Variants in TANC2 observed in about 807,000 individuals in gnomAD.
TANC2 encodes the protein tetratricopeptide repeat, ankyrin repeat and coiled-coil containing 2.
Under a neutral mutation model 210.5 loss-of-function variants are expected in TANC2, and 26 were observed. The observed-to-expected ratio is 0.12, with a 90% CI of 0.09 to 0.17. TANC2 has a LOEUF of 0.17. TANC2 is among the 10% of genes least tolerant of loss of function. The probability of loss-of-function intolerance (pLI) is 1.00; values close to 1 mark genes in which losing one functional copy is unlikely to be tolerated. For synonymous variants in TANC2, 931 were observed against 967.1 expected, an observed-to-expected ratio of 0.96 and a Z score of 0.69; for missense variants, 2,129 against 2,608.9, an observed-to-expected ratio of 0.82 and a Z score of 4.01.
At chr17:63,061,418 T>C (rs149380574) in intron 2 of TANC2, among the ~76,000 whole-genome samples, 14 of 152,220 alleles carry the variant, frequency 9.2e-5, no homozygotes, top group African/African-American at 3.4e-4. Flanking sequence ...ATAGTTTTGC[T>C]TAAATACTCA....
intron 7 of TANC2, among the ~76,000 whole-genome samples, chr17:63,201,458 T>A (rs2041531793): frequency 6.6e-6 from 1 of 152,176 alleles, no homozygotes; most frequent in Non-Finnish European, 1.5e-5. Flanking sequence ...GCCCTGTTTT[T>A]TACCTTCTGC....
intron 4 of TANC2, among the ~76,000 whole-genome samples, chr17:63,118,315 A>C (rs1247140422): frequency 1.3e-5 from 2 of 152,104 alleles, no homozygotes; most frequent in African/African-American, 4.8e-5. Context: ...TTCTCAGTTG[A>C]GTTTAGACTA....
intron 5 of TANC2, among the ~76,000 whole-genome samples, chr17:63,155,869 T>C (rs1445801665): frequency 1.3e-5 from 2 of 152,188 alleles, no homozygotes; most frequent in Non-Finnish European, 2.9e-5. Flanking sequence ...ATCTGTATTG[T>C]ACATTCTATA....
At chr17:63,358,376 A>AGAGAGAGAGTGTGTGTGT (rs1470682571) in intron 14 of TANC2, among the ~76,000 whole-genome samples, 42 of 81,044 alleles carry the variant, frequency 5.2e-4, no homozygotes, top group African/African-American at 1.5e-3. Flanking sequence ...AGAGAGAGAG[A>AGAGAGAGAGTGTGTGTGT]GTATGTGTGT....
At chr17:63,009,731 C>A (rs770464721) in intron 2 of TANC2, 105 bp downstream of exon 2, 1 of 952,054 alleles carries the variant, frequency 1.1e-6, no homozygotes, top group Non-Finnish European at 1.6e-6. Flanking sequence ...TAACTTAGAA[C>A]TTAAAAGAAA....
chr17:63,344,109 C>T (rs551241522), intron 12 of TANC2, among the ~76,000 whole-genome samples: 65 of 152,280 alleles, frequency 4.3e-4, no homozygotes, highest in African/African-American at 1.5e-3. Context: ...GCCTGAGCTC[C>T]GCCTTCTGTC....
intron 17 of TANC2, 65 bp from the exon 18 acceptor site, chr17:63,395,678 G>A (rs1191674818): frequency 2.7e-6 from 4 of 1,464,112 alleles, no homozygotes; most frequent in Non-Finnish European, 9.4e-7. Flanking sequence ...AGTGGCGGAT[G>A]TGACTAGATT....
chr17:63,421,620 A>G lies in TANC2; in HGVS notation c.5890A>G (p.Thr1964Ala). Residue 1964 changes from threonine to alanine, a missense_variant, in exon 28 of 28, where the codon ACG becomes GCG. Physicochemically the swap from Thr to Ala is moderately conservative, Grantham distance 58. Transcript: ENST00000689528. This position sits in a 1 kb window ranked among gnomAD's most constrained non-coding sequence, Gnocchi z 6.9. ...ATCTGTGGACACCGTCCTCAGTCCC[A>G]CGTCTCCAGGCAACCTGCCTCAGCC... is the stretch of plus-strand genomic sequence containing the variant. 2 of 1,614,028 alleles carry G rather than the reference A, an allele frequency of 1.2e-6. No individual in the cohort carries two copies. Among genetic ancestry groups the G allele is most frequent in the Admixed American group, 1.7e-5 (1 of 60,020 alleles).
intron 9 of TANC2, among the ~76,000 whole-genome samples, chr17:63,272,805 A>C (rs1165457538): frequency 2.0e-5 from 3 of 152,140 alleles, no homozygotes; most frequent in Non-Finnish European, 4.4e-5. Flanking sequence ...AACTAAGTTT[A>C]TTGACTGACT....
chr17:63,358,374 A>AGTGT (rs1292661752), intron 14 of TANC2, among the ~76,000 whole-genome samples: 1 of 94,698 alleles, frequency 1.1e-5, no homozygotes, highest in Admixed American at 1.2e-4. Flanking sequence ...AGAGAGAGAG[A>AGTGT]GAGTATGTGT....
At chr17:63,166,476 T>C (rs1197673038) in intron 5 of TANC2, among the ~76,000 whole-genome samples, 1 of 152,236 alleles carries the variant, frequency 6.6e-6, no homozygotes, top group East Asian at 1.9e-4. Context: ...AATCACTTAA[T>C]CGTAGAAGCA....
At chr17:63,342,139 C>T (rs1487589393) in intron 12 of TANC2, among the ~76,000 whole-genome samples, 1 of 152,018 alleles carries the variant, frequency 6.6e-6, no homozygotes, top group East Asian at 1.9e-4. Context: ...GAAATGATGT[C>T]CTTCCAAATA....
At chr17:63,364,602 T>G (rs1454862934) in intron 14 of TANC2, among the ~76,000 whole-genome samples, 1 of 152,184 alleles carries the variant, frequency 6.6e-6, no homozygotes, top group Non-Finnish European at 1.5e-5. Context: ...TTGGCAAGAA[T>G]AAATGCTTAG....
chr17:63,332,833 A>T (rs765192457), intron 11 of TANC2, among the ~76,000 whole-genome samples: 6 of 152,160 alleles, frequency 3.9e-5, no homozygotes, highest in Non-Finnish European at 8.8e-5. Context: ...CATTCCAAAA[A>T]TTCTAGGGCC....
At chr17:63,406,332 C>T (rs2048506127) in intron 21 of TANC2, 55 bp downstream of exon 21, 4 of 1,598,348 alleles carry the variant, frequency 2.5e-6, no homozygotes, top group Non-Finnish European at 3.4e-6. Context: ...ACCTGGTGAA[C>T]TCATGATTTC....
At chr17:63,239,179 T>C (rs1202560089) in intron 8 of TANC2, among the ~76,000 whole-genome samples, 1 of 151,366 alleles carries the variant, frequency 6.6e-6, no homozygotes, top group Non-Finnish European at 1.5e-5. Context: ...GAAATGATAC[T>C]GAGGGTTAAG....
intron 8 of TANC2, among the ~76,000 whole-genome samples, chr17:63,239,817 G>A (rs2042724661): frequency 6.6e-6 from 1 of 152,140 alleles, no homozygotes; most frequent in South Asian, 2.1e-4. Context: ...AGGAAGCATA[G>A]CAGCTTCTGC....
chr17:63,183,508 A>T (rs2040863910), intron 5 of TANC2, among the ~76,000 whole-genome samples: 1 of 152,218 alleles, frequency 6.6e-6, no homozygotes, highest in African/African-American at 2.4e-5. Flanking sequence ...TGTTAAGCTG[A>T]AATTTAAAAA....
At chr17:63,112,776 G>A (rs1445979128) in intron 4 of TANC2, among the ~76,000 whole-genome samples, 2 of 152,310 alleles carry the variant, frequency 1.3e-5, no homozygotes, top group Middle Eastern at 3.4e-3. Context: ...ATGTGAAAAA[G>A]TTGTCAATCA....
Sources: gnomAD v4.1 joint callset for allele counts (sites outside exome capture counted in the v4.1 genomes callset) on GRCh38, gnomAD v4.1.1 for gene constraint, Gnocchi (gnomAD v3.1) non-coding constraint, MANE v1.5 for transcripts, NCBI Gene and HGNC (gene_info 2026-07-23, HGNC 2026-07-21) for gene names.